MIB1: variants seen among roughly 807,000 people sequenced by gnomAD.
The protein encoded by MIB1 is E3 ubiquitin-protein ligase MIB1.
A neutral mutation model predicts 124.5 loss-of-function variants in MIB1; 278 were observed. The ratio of observed to expected loss-of-function variants is 2.23; its 90% CI spans 2.02 to 2.47. MIB1 has a LOEUF of 2.47. Ranked by LOEUF, MIB1 falls within the 30% of genes most tolerant of loss-of-function variation. The pLI is 0.00. For synonymous variants in MIB1, 446 were observed against 429.4 expected (o/e 1.04, Z -0.48); for missense variants, 957 against 1,254.4 (o/e 0.76, Z 3.58).
chr18:21,858,896 G>A (rs113695142), intron 20 of MIB1, among the ~76,000 whole-genome samples: 88 of 152,300 alleles, frequency 5.8e-4, no homozygotes, highest in Non-Finnish European at 1.0e-3. Flanking sequence ...GAAAACTAAA[G>A]CCACAAGGAA....
rs35904303 is a variant in MIB1 at position 21,805,900 on chromosome 18, C to CTTTT, written c.1479+1904_1479+1907dup. ...TTTCAAGAGTAATTTTCTTTCTTTC[C>CTTTT]TTTTTTTTTTTTTTTTTTTTTGAGA... On this transcript the variant is annotated intron_variant, in intron 10 of 20. Transcript: ENST00000261537. 7.8e-3 allele frequency among the ~76,000 whole-genome samples: 820 copies of CTTTT among 105,036 alleles called. 31 individuals carry two copies. Among genetic ancestry groups the CTTTT allele is most frequent in the African/African-American group, 0.022 (553 of 25,382 alleles). The allele number at this position is 105,036 out of a possible 152,430, so 68.9% of individuals were successfully genotyped here. A position where few individuals can be genotyped will look rare whatever the true frequency, so the allele number is the denominator to read the frequency against.
Position 21,844,193 on chromosome 18 carries a change from G to C in MIB1, c.2151G>C (p.Gln717His), listed in dbSNP as rs562629953. 2 of 1,614,144 alleles carry C rather than the reference G, an allele frequency of 1.2e-6. No individual in the cohort carries two copies. The highest frequency in any genetic ancestry group is 1.1e-5 in the South Asian group (1 of 91,078). Residue 717 changes from glutamine (Q) to histidine (H), a missense_variant, in exon 15 of 21, where the codon CAG becomes CAC. Coordinates refer to ENST00000261537, the MANE Select transcript of MIB1 (RefSeq NM_020774.4). Reference protein sequence around the residue: ...LRHHTLSQLRQLQDMQDVGKV... With the variant: ...LRHHTLSQLRHLQDMQDVGKV... ...ATCACACTTTGTCTCAGCTACGTCA[G>C]CTCCAAGATATGCAAGATGTGGGGA...
chr18:21,823,602 C>T (rs2041898948), intron 12 of MIB1, among the ~76,000 whole-genome samples: 1 of 152,022 alleles, frequency 6.6e-6, no homozygotes, highest in South Asian at 2.1e-4. Flanking sequence ...AACTGAAACA[C>T]ATTAAGAGAA....
rs938552026 is a variant in MIB1 at position 21,766,525 on chromosome 18, A to G, written c.401+582A>G. On this transcript the variant is annotated intron_variant, in intron 2 of 20. Transcript: ENST00000261537. ...TGTTAATGGGGGCGGAGTTTTAGGT[A>G]ATGGGATCTTCTCATGTAGATACAG... Among the ~76,000 whole-genome samples the G allele has an allele frequency of 2.6e-5, 4 of 152,156 alleles. No individual in the cohort carries two copies. The East Asian group carries it at 7.7e-4, about 29-fold the overall frequency.
At chr18:21,778,375 G>A (rs1406048869) in intron 5 of MIB1, among the ~76,000 whole-genome samples, 2 of 151,700 alleles carry the variant, frequency 1.3e-5, no homozygotes, top group Admixed American at 6.6e-5. Flanking sequence ...AGAATTCATT[G>A]GCCATTTATG....
In MIB1 at chr18:21,866,132, C is replaced by G. The variant is rs962168509; in HGVS notation, c.*1466C>G. ...TTTTCCCTCCTTTAAATCTGGCTAG[C>G]TTTTCTTACTTCAGTTTTTATAGAA... On this transcript the variant is annotated 3_prime_UTR_variant, in exon 21 of 21. Coordinates refer to ENST00000261537, the MANE Select transcript of MIB1 (RefSeq NM_020774.4). The G allele has an allele frequency of 2.6e-5, 4 of 152,094 alleles. No individual in the cohort carries two copies. The highest frequency in any genetic ancestry group is 4.8e-5 in the African/African-American group (2 of 41,396). 9.4% of individuals were successfully genotyped at this position (152,094 alleles called of 1,614,324 possible).
At chr18:21,751,164 T>C (rs949782914) in intron 1 of MIB1, among the ~76,000 whole-genome samples, 25 of 151,902 alleles carry the variant, frequency 1.6e-4, no homozygotes, top group African/African-American at 5.3e-4. Context: ...ATCATGTTAC[T>C]GCACTCCAGC....
At chr18:21,840,661 ATATATTT>A (rs1279191443) in intron 13 of MIB1, among the ~76,000 whole-genome samples, 2 of 1,914 alleles carry the variant, frequency 1.0e-3, no homozygotes, top group African/African-American at 1.7e-3. Context: ...ATATATATAT[ATATATTT>A]TTTTTTTTTT....
chr18:21,750,417 T>C (rs2040961323), intron 1 of MIB1, among the ~76,000 whole-genome samples: 1 of 152,236 alleles, frequency 6.6e-6, no homozygotes, highest in Non-Finnish European at 1.5e-5. Flanking sequence ...AAGCTCCGCC[T>C]CTCGGGTTCA....
At chr18:21,817,315 A>G (rs1402763323) in intron 11 of MIB1, among the ~76,000 whole-genome samples, 1 of 151,684 alleles carries the variant, frequency 6.6e-6, no homozygotes, top group Non-Finnish European at 1.5e-5. Flanking sequence ...TGCCTGGCTA[A>G]TTTTTTGTAG....
intron 6 of MIB1, among the ~76,000 whole-genome samples, chr18:21,790,424 A>G (rs2041488842): frequency 6.6e-6 from 1 of 152,252 alleles, no homozygotes; most frequent in Admixed American, 6.5e-5. Context: ...TAGCAGTTAA[A>G]TTGAATTAAG....
intron 12 of MIB1, among the ~76,000 whole-genome samples, chr18:21,831,591 C>T (rs1305032397): frequency 6.6e-6 from 1 of 152,072 alleles, no homozygotes; most frequent in Non-Finnish European, 1.5e-5. Flanking sequence ...TTGCTTTCTG[C>T]CTATTGATTG....
intron 3 of MIB1, 140 bp downstream of exon 3, chr18:21,768,892 C>T (rs544341709): frequency 1.4e-6 from 1 of 731,820 alleles, no homozygotes; most frequent in Admixed American, 3.9e-5. Flanking sequence ...TCTTTTTTCT[C>T]TGGAAGTAAA....
At chr18:21,834,793 A>G (rs2042011761) in intron 12 of MIB1, among the ~76,000 whole-genome samples, 1 of 152,218 alleles carries the variant, frequency 6.6e-6, no homozygotes, top group African/African-American at 2.4e-5. Flanking sequence ...ACTAAATGTA[A>G]AGGGGTATTC....
chr18:21,820,161 C>T (rs866620831), intron 12 of MIB1, among the ~76,000 whole-genome samples: 1 of 152,144 alleles, frequency 6.6e-6, no homozygotes, highest in Non-Finnish European at 1.5e-5. Context: ...GAGAAAGACT[C>T]CTTTTGGAGA....
In MIB1 at chr18:21,795,974, G is replaced by A. The variant is rs1440138916; in HGVS notation, c.1093-2110G>A. 2.0e-5 allele frequency among the ~76,000 whole-genome samples: 3 copies of A among 152,170 alleles called. No individual in the cohort carries two copies. In the East Asian group the frequency reaches 5.8e-4, roughly 29 times the overall value. On this transcript the variant is annotated intron_variant, in intron 7 of 20. Coordinates refer to ENST00000261537, the MANE Select transcript of MIB1 (RefSeq NM_020774.4). ...AAAGGAGATGCAGATATAATATAGA[G>A]GAGGTGAAGTAAAAACCCTGTAGTC...
At chr18:21,831,399 T>C (rs2041981074) in intron 12 of MIB1, 1 of 152,034 alleles carries the variant, frequency 6.6e-6, no homozygotes, top group Admixed American at 6.6e-5. Flanking sequence ...CTTATATTCT[T>C]CCTCAGTGAC....
intron 1 of MIB1, among the ~76,000 whole-genome samples, chr18:21,757,990 T>C (rs2041054248): frequency 6.6e-6 from 1 of 152,130 alleles, no homozygotes; most frequent in South Asian, 2.1e-4. Context: ...TAAGAGGCCA[T>C]GTTTTGTGAT....
chr18:21,854,039 TCC>T (rs2042204919), intron 18 of MIB1, among the ~76,000 whole-genome samples: 1 of 108,902 alleles, frequency 9.2e-6, no homozygotes, highest in Non-Finnish European at 2.1e-5. Context: ...AAAAAAAAAT[TCC>T]AATAGGCAGC....
Sources: allele counts gnomAD v4.1 joint callset (sites outside exome capture counted in the v4.1 genomes callset), GRCh38; gene constraint gnomAD v4.1.1; transcripts MANE v1.5; gene names NCBI Gene and HGNC (gene_info 2026-07-23, HGNC 2026-07-21).